CYFIP1: variants seen among roughly 807,000 people sequenced by gnomAD.
CYFIP1 encodes cytoplasmic FMR1-interacting protein 1.
CYFIP1 carries 58 observed loss-of-function variants against 163.5 expected under a neutral mutation model. That is an observed-to-expected ratio of 0.35 (90% CI 0.29 to 0.44). CYFIP1 has a LOEUF of 0.44. Among genes scored for constraint, CYFIP1 ranks in the 20% least tolerant of loss-of-function variants. The pLI is 1.00. For synonymous variants in CYFIP1, 663 were observed against 660.7 expected, an observed-to-expected ratio of 1.00 and a Z score of -0.05; for missense variants, 1,338 against 1,653.8, an observed-to-expected ratio of 0.81 and a Z score of 3.31.
rs200470323 is a variant in CYFIP1, at chr15:22,880,006, G to A, written c.2949C>T (p.Ile983=). ...CCGTCTTCAGCTCTGCGTACTCCAC[G>A]ATGTCCTTCAGCTGGTGGTGGAAGA... ...LEFFHHQLKD[I]VEYAELKTVC... The change falls in exon 26 of 31, where the codon ATC becomes ATT. Residue 983 remains isoleucine, a synonymous_variant. Coordinates refer to ENST00000617928, the MANE Select transcript of CYFIP1 (RefSeq NM_014608.6). The A allele has an allele frequency of 7.7e-5, 124 of 1,613,936 alleles. 1 individual carries two copies. The East Asian group carries it at 2.2e-3, about 29-fold the overall frequency.
chr15:22,896,179 T>C (rs766155561), intron 22 of CYFIP1, among the ~76,000 whole-genome samples: 1 of 152,132 alleles, frequency 6.6e-6, no homozygotes, highest in Non-Finnish European at 1.5e-5. Context: ...ACAATGTCAC[T>C]GCAATCCCCT....
At chr15:22,878,475 G>A (rs2059648236) in intron 26 of CYFIP1, among the ~76,000 whole-genome samples, 1 of 151,998 alleles carries the variant, frequency 6.6e-6, no homozygotes, top group African/African-American at 2.4e-5. Context: ...AGGGACAAAT[G>A]GGTCTCCACA....
intron 17 of CYFIP1, among the ~76,000 whole-genome samples, chr15:22,913,979 G>A (rs184490741): frequency 8.5e-5 from 13 of 152,328 alleles, no homozygotes; most frequent in Admixed American, 7.2e-4. Flanking sequence ...AAGACAGACC[G>A]GCTGGGCGGC....
chr15:22,887,653 T>A (rs908334286), intron 23 of CYFIP1, among the ~76,000 whole-genome samples: 4 of 152,146 alleles, frequency 2.6e-5, no homozygotes, highest in African/African-American at 9.7e-5. Context: ...CCCAGTAGAC[T>A]AAGCTCACCC....
intron 1 of CYFIP1, among the ~76,000 whole-genome samples, chr15:22,964,185 C>T (rs2140217857): frequency 7.0e-6 from 1 of 141,850 alleles, no homozygotes; most frequent in African/African-American, 2.7e-5. Context: ...CTTTCTGGAG[C>T]AAGAGCAGCT....
In CYFIP1 at chr15:22,867,269, CTG is replaced by C. The variant is rs2059161460; in HGVS notation, c.*2757_*2758del. On this transcript the variant is annotated 3_prime_UTR_variant, in exon 31 of 31. Transcript: ENST00000617928. Reference sequence around the variant, plus strand: ...AACAGAGTTATCCCAATACATTATCCTGTGATTTACCTTACCTACAAAAGTGG... The same window carrying C: ...AACAGAGTTATCCCAATACATTATCCTGATTTACCTTACCTACAAAAGTGG... 2.5e-6 allele frequency: 1 copy of C among 399,422 alleles called. No individual in the cohort carries two copies. The highest frequency in any genetic ancestry group is 3.6e-5 in the East Asian group (1 of 28,040). 24.7% of individuals were successfully genotyped at this position (399,422 alleles called of 1,614,324 possible).
intron 11 of CYFIP1, among the ~76,000 whole-genome samples, chr15:22,930,422 G>GA (rs1239073054): frequency 2.2e-5 from 3 of 139,510 alleles, no homozygotes; most frequent in African/African-American, 7.8e-5. Context: ...ACTGTACTCC[G>GA]AAAAAAACTG....
rs76439660 is a variant in CYFIP1 at position 22,936,496 on chromosome 15, G to C, written c.900+608C>G. On this transcript the variant is annotated intron_variant, in intron 9 of 30. Transcript: ENST00000617928. ...TCAGGATATCCCCCCACCCCAAAAA[G>C]GCAGTGCTAAGTACTGATGTGGCAC... Among the ~76,000 whole-genome samples the C allele has an allele frequency of 6.7e-3, 1,019 of 152,186 alleles. 20 individuals carry two copies. The highest frequency in any genetic ancestry group is 0.023 in the African/African-American group (948 of 41,516).
intron 1 of CYFIP1, chr15:22,948,137 TAGTCAGTC>T (rs2062123011): frequency 6.9e-5 from 17 of 244,736 alleles, no homozygotes; most frequent in African/African-American, 3.5e-4. Flanking sequence ...GTGGAACGGG[TAGTCAGTC>T]CCACTGCACT....
chr15:22,903,000 C>A (rs929880204), intron 22 of CYFIP1, among the ~76,000 whole-genome samples: 2 of 152,312 alleles, frequency 1.3e-5, no homozygotes, highest in Admixed American at 6.5e-5. Context: ...AGATCAGAGG[C>A]AAGCACAAGC....
intron 11 of CYFIP1, 56 bp from the exon 12 acceptor site, chr15:22,928,084 C>A (rs1166795993): frequency 4.9e-6 from 7 of 1,436,386 alleles, no homozygotes; most frequent in East Asian, 5.5e-5. Flanking sequence ...CAGCTCCCCC[C>A]ATCCCGGGAT....
At chr15:22,967,962 C>A (rs1377005864) in intron 1 of CYFIP1, among the ~76,000 whole-genome samples, 1 of 151,872 alleles carries the variant, frequency 6.6e-6, no homozygotes, top group East Asian at 1.9e-4. Context: ...ATGGTGAAAC[C>A]CCGTCTCTAC....
At chr15:22,892,844 T>C in intron 23 of CYFIP1, 46 bp downstream of exon 23, 1 of 1,408,540 alleles carries the variant, frequency 7.1e-7, no homozygotes, top group Non-Finnish European at 1.0e-6. Context: ...CAAAACATGC[T>C]TCATTATGAG....
At chr15:22,949,366 C>T (rs565251468) in intron 1 of CYFIP1, among the ~76,000 whole-genome samples, 1 of 152,036 alleles carries the variant, frequency 6.6e-6, no homozygotes, top group Non-Finnish European at 1.5e-5. Context: ...AAGATGGGAA[C>T]GTGTCTTCCA....
chr15:22,904,761 C>T (rs2060513288), intron 21 of CYFIP1: 1 of 152,096 alleles, frequency 6.6e-6, no homozygotes, highest in Non-Finnish European at 1.5e-5. Flanking sequence ...ATGGCCTGTA[C>T]CAAATTACGC....
rs549420044 is a variant in CYFIP1, at chr15:22,960,216, C to T, written c.-6-12925G>A. ...GCTACCACCTACACTACACCTCACTCGCCAATCTCTATCAAGGGTCCTGCT... is the reference window on the plus strand; with the variant it reads ...GCTACCACCTACACTACACCTCACTTGCCAATCTCTATCAAGGGTCCTGCT... On this transcript the variant is annotated intron_variant, in intron 1 of 30. Coordinates refer to ENST00000617928, the MANE Select transcript of CYFIP1 (RefSeq NM_014608.6). Among the ~76,000 whole-genome samples the T allele has an allele frequency of 2.6e-5, 4 of 152,220 alleles. 1 individual carries two copies. Among genetic ancestry groups the T allele is most frequent in the South Asian group, 2.1e-4 (1 of 4,838 alleles).
chr15:22,879,364 C>T lies in CYFIP1; in HGVS notation c.3042+549G>A, dbSNP rs533177968. ...ACAGAGGGACAGCCAGACAGCACCA[C>T]AAAAAGGCGGCCAGTCGAAAACACG... On this transcript the variant is annotated intron_variant, in intron 26 of 30. Transcript: ENST00000617928. 3.3e-5 allele frequency among the ~76,000 whole-genome samples: 5 copies of T among 152,258 alleles called. No individual in the cohort carries two copies. In the East Asian group the frequency reaches 5.8e-4, roughly 18 times the overall value.
chr15:22,902,406 G>A lies in CYFIP1; in HGVS notation c.2588+1300C>T, dbSNP rs74003078. ...GGTGCAGACTCGGGATGGAGAGGCC[G>A]AGGGCCGCCCATGCCTCACTTTAGA... is the stretch of plus-strand genomic sequence containing the variant. On this transcript the variant is annotated intron_variant, in intron 22 of 30. Transcript: ENST00000617928. Among the ~76,000 whole-genome samples, 1,484 of 152,312 alleles carry A rather than the reference G, an allele frequency of 9.7e-3. 25 individuals are homozygous for A. Among genetic ancestry groups the A allele is most frequent in the African/African-American group, 0.034 (1,407 of 41,568 alleles).
intron 18 of CYFIP1, among the ~76,000 whole-genome samples, chr15:22,911,814 T>C (rs1285059665): frequency 2.0e-5 from 3 of 152,158 alleles, no homozygotes; most frequent in South Asian, 4.2e-4. Flanking sequence ...ATTTGTCCTA[T>C]AGAAGTCATG....
Sources: allele counts gnomAD v4.1 joint callset (sites outside exome capture counted in the v4.1 genomes callset), GRCh38; gene constraint gnomAD v4.1.1; transcripts MANE v1.5; gene names NCBI Gene and HGNC (gene_info 2026-07-23, HGNC 2026-07-21).